The following ITGB2 variants were observed in gnomAD, a reference collection of about 807,000 sequenced individuals.
The protein encoded by ITGB2 is integrin subunit beta 2, also known as integrin beta-2.
ITGB2 carries 56 observed loss-of-function variants against 86.8 expected under a neutral mutation model. The observed-to-expected ratio is 0.65, with a 90% CI of 0.52 to 0.81. The LOEUF (loss-of-function observed/expected upper bound fraction) is 0.81, where lower values mean the gene tolerates loss of function less well. ITGB2 is among the 30% of genes least tolerant of loss of function. The probability of loss-of-function intolerance (pLI) is 0.00; values close to 1 mark genes in which losing one functional copy is unlikely to be tolerated. For missense variants in ITGB2, 948 were observed against 1,061.2 expected (o/e 0.89, Z 1.48); for synonymous variants, 457 against 450.4 (o/e 1.01, Z -0.19).
At chr21:44,904,067 G>A (rs1430385756) in intron 4 of ITGB2, among the ~76,000 whole-genome samples, 3 of 152,114 alleles carry the variant, frequency 2.0e-5, no homozygotes, top group Admixed American at 1.3e-4. Context: ...ACCTGTCACC[G>A]CAACCAGCCT....
rs368401151 is a variant in ITGB2, at chr21:44,906,803, C to T, written c.328+112G>A. 221 of 1,192,512 alleles carry T rather than the reference C, an allele frequency of 1.9e-4. 2 individuals carry two copies. The Admixed American group carries it at 2.4e-3, about 13-fold the overall frequency. The allele number at this position is 1,192,512 out of a possible 1,614,324, so 73.9% of individuals were successfully genotyped here. A position where few individuals can be genotyped will look rare whatever the true frequency, so the allele number is the denominator to read the frequency against. On this transcript the variant is annotated intron_variant, in intron 4 of 15. Coordinates refer to ENST00000652462, the MANE Select transcript of ITGB2 (RefSeq NM_000211.5). ...CACTGGCCCACACACCCGTCCGACC[C>T]GGACACATGCCTTCTGGGCAGCCCT...
intron 8 of ITGB2, among the ~76,000 whole-genome samples, chr21:44,896,323 G>A (rs989414034): frequency 5.3e-5 from 8 of 152,244 alleles, no homozygotes; most frequent in African/African-American, 1.7e-4. Flanking sequence ...GGAAGCCATC[G>A]GCTCTTGGCA....
In ITGB2 at chr21:44,885,975, A is replaced by C; in HGVS notation, c.*393T>G. 1 of 300,736 alleles carries C rather than the reference A, an allele frequency of 3.3e-6. No homozygotes were observed. The highest frequency in any genetic ancestry group is 3.1e-5 in the South Asian group (1 of 32,728). The allele number at this position is 300,736 out of a possible 1,614,324, so 18.6% of individuals were successfully genotyped here. A position where few individuals can be genotyped will look rare whatever the true frequency, so the allele number is the denominator to read the frequency against. Reference sequence around the variant, plus strand: ...CAGTTTCCATGGACAGCCTGTATTGAAGTTTTATTTTTTTTCTATACACGT... The same window carrying C: ...CAGTTTCCATGGACAGCCTGTATTGCAGTTTTATTTTTTTTCTATACACGT... On this transcript the variant is annotated 3_prime_UTR_variant, in exon 16 of 16. Transcript: ENST00000652462.
upstream of ITGB2, chr21:44,922,949 G>A (rs55735469): frequency 2.0e-5 from 3 of 152,340 alleles, no homozygotes; most frequent in African/African-American, 7.2e-5. Flanking sequence ...GACAGAAAGA[G>A]AATACCATTC....
Position 44,886,871 on chromosome 21 carries a change from G to C in ITGB2, c.2112C>G (p.Ile704Met). 1 of 1,613,470 alleles carries C rather than the reference G, an allele frequency of 6.2e-7. No individual in the cohort carries two copies. The highest frequency in any genetic ancestry group is 8.5e-7 in the Non-Finnish European group (1 of 1,180,026). ...CGATGCCTGCCACGGTGCCCCCGAC[G>C]ATGGCGGCGATGTTGGGGCCTGCCA... ...ECVAGPNIAA[I>M]VGGTVAGIVL... The change falls in exon 15 of 16, where the codon ATC becomes ATG. Residue 704 changes from isoleucine to methionine, a missense_variant. Ile to Met is a conservative substitution (Grantham distance 10). Transcript: ENST00000652462.
intron 11 of ITGB2, 111 bp from the exon 12 acceptor site, chr21:44,890,333 C>A: frequency 7.0e-7 from 1 of 1,419,740 alleles, no homozygotes. Context: ...CCCTATGGCA[C>A]ATTTTGCTTT....
chr21:44,907,302 T>TG (rs2084059206), intron 3 of ITGB2, among the ~76,000 whole-genome samples: 1 of 152,090 alleles, frequency 6.6e-6, no homozygotes, highest in Admixed American at 6.5e-5. Flanking sequence ...AGCAGACCCC[T>TG]GGGGGGCAGG....
intron 1 of ITGB2, among the ~76,000 whole-genome samples, chr21:44,917,996 AC>A (rs1233761345): frequency 6.6e-6 from 1 of 152,054 alleles, no homozygotes; most frequent in African/African-American, 2.4e-5. Context: ...AAATGCAACC[AC>A]CTAATCAATG....
intron 10 of ITGB2, chr21:44,893,128 C>G (rs149655874): frequency 2.5e-6 from 1 of 407,968 alleles, no homozygotes; most frequent in Non-Finnish European, 4.7e-6. Context: ...CACTGACGTT[C>G]CTGACATCAG....
upstream of ITGB2, among the ~76,000 whole-genome samples, chr21:44,922,024 CCTAAACT>C (rs1170259027): frequency 6.6e-6 from 1 of 152,148 alleles, no homozygotes; most frequent in Non-Finnish European, 1.5e-5. Flanking sequence ...GCTCCCGGCT[CCTAAACT>C]CTGTTTTAAA....
At chr21:44,923,367 G>T (rs1433280320), upstream of ITGB2, among the ~76,000 whole-genome samples, 2 of 147,492 alleles carry the variant, frequency 1.4e-5, no homozygotes, top group Admixed American at 6.9e-5. Context: ...ATGGTTTGTG[G>T]TTATGTTAAA....
intron 6 of ITGB2, 101 bp downstream of exon 6, chr21:44,901,391 A>T: frequency 6.9e-7 from 1 of 1,458,772 alleles, no homozygotes; most frequent in Non-Finnish European, 9.2e-7. Flanking sequence ...AGTCCCTCAG[A>T]CGACCTGCCG....
chr21:44,921,969 C>T (rs2084311911), upstream of ITGB2, among the ~76,000 whole-genome samples: 1 of 152,222 alleles, frequency 6.6e-6, no homozygotes, highest in Non-Finnish European at 1.5e-5. Flanking sequence ...AGTGATCCAT[C>T]CACCTCTGCC....
At chr21:44,901,448 A>G (rs905236039) in intron 6 of ITGB2, 44 bp downstream of exon 6, 6 of 1,605,356 alleles carry the variant, frequency 3.7e-6, no homozygotes, top group Admixed American at 3.4e-5. Flanking sequence ...AGAGCCCCCC[A>G]CACTGGGGGA....
intron 1 of ITGB2, among the ~76,000 whole-genome samples, chr21:44,918,622 G>C (rs796360439): frequency 1.1e-3 from 161 of 152,304 alleles, no homozygotes; most frequent in African/African-American, 3.6e-3. Context: ...GGATGGCCGC[G>C]GCCCCTGTGC....
At chr21:44,889,179 G>T in intron 13 of ITGB2, 97 bp downstream of exon 13, 1 of 1,209,314 alleles carries the variant, frequency 8.3e-7, no homozygotes, top group Non-Finnish European at 1.2e-6. Context: ...CCGCGGTGCA[G>T]AGGTGCTCAC....
intron 4 of ITGB2, among the ~76,000 whole-genome samples, chr21:44,903,799 A>G (rs535312798): frequency 1.3e-5 from 2 of 152,238 alleles, no homozygotes; most frequent in African/African-American, 4.8e-5. Flanking sequence ...GGGTGCTTAG[A>G]GTTGACGCCA....
intron 1 of ITGB2, chr21:44,928,307 C>T (rs1171849153): frequency 1.3e-5 from 2 of 152,116 alleles, no homozygotes; most frequent in Non-Finnish European, 2.9e-5. Flanking sequence ...GCTCAATGTT[C>T]AAAGGAGATG....
Position 44,891,976 on chromosome 21 carries a change from G to A in ITGB2, c.1245C>T (p.Val415=). Residue 415 remains valine (V), a synonymous_variant, in exon 11 of 16, where the codon GTC becomes GTT. Coordinates refer to ENST00000652462, the MANE Select transcript of ITGB2 (RefSeq NM_000211.5). The part of the protein sequence containing the change: ...INVPITFQVK[V]TATECIQEQS... ...GCTCCTGGATGCACTCTGTGGCCGT[G>A]ACCTTCACCTGGAAGGTGATCTGCA... 1 of 1,612,816 alleles carries A rather than the reference G, an allele frequency of 6.2e-7. No homozygotes were observed. Among genetic ancestry groups the A allele is most frequent in the South Asian group, 1.1e-5 (1 of 91,064 alleles).
Sources: allele counts gnomAD v4.1 joint callset (sites outside exome capture counted in the v4.1 genomes callset), GRCh38; gene constraint gnomAD v4.1.1; transcripts MANE v1.5; gene names NCBI Gene and HGNC (gene_info 2026-07-23, HGNC 2026-07-21).